The following ZFPM1 variants were observed in gnomAD, a reference collection of about 807,000 sequenced individuals.
ZFPM1 encodes the protein zinc finger protein, FOG family member 1, also known as zinc finger protein ZFPM1.
A neutral mutation model predicts 46.3 loss-of-function variants in ZFPM1; 28 were observed. That is an observed-to-expected ratio of 0.60 (90% CI 0.45 to 0.83). The LOEUF (loss-of-function observed/expected upper bound fraction) is 0.83, where lower values mean the gene tolerates loss of function less well. Ranked by LOEUF, ZFPM1 falls within the 40% of genes least tolerant of loss-of-function variation. ZFPM1 has a pLI of 0.00. For synonymous variants in ZFPM1, 957 were observed against 675.9 expected (o/e 1.42, Z -6.45); for missense variants, 1,878 against 1,432.4 (o/e 1.31, Z -5.02).
chr16:88,486,357 C>A (rs1400975066), intron 2 of ZFPM1, among the ~76,000 whole-genome samples: 1 of 152,242 alleles, frequency 6.6e-6, no homozygotes, highest in African/African-American at 2.4e-5. Context: ...CCCCTCCCAG[C>A]CTCAGTAGAC....
At chr16:88,490,018 C>T (rs1347495471) in intron 3 of ZFPM1, among the ~76,000 whole-genome samples, 1 of 151,186 alleles carries the variant, frequency 6.6e-6, no homozygotes, top group African/African-American at 2.4e-5. Context: ...GGCAGGTGCT[C>T]GAGCCAGATG....
chr16:88,468,142 T>A (rs1178214025), intron 1 of ZFPM1, among the ~76,000 whole-genome samples: 1 of 63,370 alleles, frequency 1.6e-5, no homozygotes, highest in Non-Finnish European at 2.9e-5. Context: ...GCGAGCCCAC[T>A]GCCCCTGACC....
chr16:88,462,241 G>A (rs747437384), intron 1 of ZFPM1, among the ~76,000 whole-genome samples: 3 of 152,214 alleles, frequency 2.0e-5, no homozygotes, highest in Non-Finnish European at 4.4e-5. Context: ...AATGGGTGTT[G>A]GGGGCTGGTG....
chr16:88,456,836 A>C (rs1238792708), intron 1 of ZFPM1, among the ~76,000 whole-genome samples: 1 of 152,078 alleles, frequency 6.6e-6, no homozygotes, highest in Non-Finnish European at 1.5e-5. Context: ...GGAGATATTG[A>C]GGGTCCACCG....
intron 1 of ZFPM1, among the ~76,000 whole-genome samples, chr16:88,476,961 CAG>C (rs779453792): frequency 3.9e-5 from 6 of 152,268 alleles, no homozygotes; most frequent in Non-Finnish European, 8.8e-5. Context: ...GCTAGACACA[CAG>C]TGTGATAGCG....
intron 1 of ZFPM1, among the ~76,000 whole-genome samples, chr16:88,473,756 G>C (rs916825356): frequency 6.6e-6 from 1 of 152,112 alleles, no homozygotes; most frequent in Non-Finnish European, 1.5e-5. Flanking sequence ...GGCCTCCGGC[G>C]GGCTTGCAGC....
Position 88,533,832 on chromosome 16 carries a change from C to T in ZFPM1, c.1874C>T (p.Pro625Leu), listed in dbSNP as rs997699310. ...PKAPPGPARA[P>L]PGQPAEPDAP... ...GCGCCCCCCGGCCCGGCCCGCGCGC[C>T]CCCCGGCCAGCCCGCCGAACCCGAC... The change falls in exon 10 of 10, where the codon CCC (proline) becomes CTC (leucine). Residue 625 changes from proline to leucine, a missense_variant. Coordinates refer to ENST00000319555, the MANE Select transcript of ZFPM1 (RefSeq NM_153813.3). 632 of 995,392 alleles carry T rather than the reference C, an allele frequency of 6.3e-4. No individual in the cohort carries two copies. The highest frequency in any genetic ancestry group is 8.8e-4 in the Admixed American group (14 of 15,948). 61.7% of individuals were successfully genotyped at this position (995,392 alleles called of 1,614,324 possible). A position where few individuals can be genotyped will look rare whatever the true frequency, so the allele number is the denominator to read the frequency against.
intron 1 of ZFPM1, among the ~76,000 whole-genome samples, chr16:88,463,563 C>A (rs1907995777): frequency 6.6e-6 from 1 of 152,266 alleles, no homozygotes; most frequent in Non-Finnish European, 1.5e-5. Flanking sequence ...CGTCCTTCTC[C>A]CGGCAGCCTT....
chr16:88,479,567 G>A (rs1240257030), intron 1 of ZFPM1, among the ~76,000 whole-genome samples: 1 of 152,132 alleles, frequency 6.6e-6, no homozygotes, highest in Admixed American at 6.5e-5. Flanking sequence ...CCCCACCGTG[G>A]CCCAAGCTGC....
At chr16:88,454,892 C>A in intron 1 of ZFPM1, among the ~76,000 whole-genome samples, 1 of 152,188 alleles carries the variant, frequency 6.6e-6, no homozygotes, top group South Asian at 2.1e-4. Context: ...CCACTGCCAC[C>A]AGGACCCCTT....
At chr16:88,491,939 TG>T (rs1909603992) in intron 3 of ZFPM1, among the ~76,000 whole-genome samples, 1 of 152,122 alleles carries the variant, frequency 6.6e-6, no homozygotes, top group African/African-American at 2.4e-5. Flanking sequence ...GCAGGGTCAG[TG>T]GCCCCAAGGG....
intron 1 of ZFPM1, among the ~76,000 whole-genome samples, chr16:88,479,313 G>A (rs575263256): frequency 1.3e-5 from 2 of 152,178 alleles, no homozygotes; most frequent in East Asian, 1.9e-4. Flanking sequence ...CGAGATTCAC[G>A]GGATGAGAGA....
chr16:88,485,575 G>A (rs2142372183), intron 1 of ZFPM1, among the ~76,000 whole-genome samples: 1 of 152,112 alleles, frequency 6.6e-6, no homozygotes, highest in African/African-American at 2.4e-5. Flanking sequence ...TAGTAGCTGG[G>A]ACTACAGGTG....
chr16:88,462,872 G>T (rs934447218), intron 1 of ZFPM1, among the ~76,000 whole-genome samples: 1 of 152,166 alleles, frequency 6.6e-6, no homozygotes, highest in Non-Finnish European at 1.5e-5. Context: ...CACCTCACGG[G>T]GCTGTGAGGA....
chr16:88,533,920 C>A lies in ZFPM1; in HGVS notation c.1962C>A (p.Pro654=), dbSNP rs1311023970. The part of the protein sequence containing the change: ...REEGAGGAAT[P]EDGAGGRGSE... Reference sequence around the variant, plus strand: ...AGGGGGCTGGGGGCGCGGCCACGCCCGAGGACGGCGCGGGCGGCCGGGGCA... The same window carrying A: ...AGGGGGCTGGGGGCGCGGCCACGCCAGAGGACGGCGCGGGCGGCCGGGGCA... The change falls in exon 10 of 10, where the codon CCC becomes CCA. Residue 654 remains proline (P), a synonymous_variant. Transcript: ENST00000319555. The A allele has an allele frequency of 5.0e-6, 6 of 1,206,280 alleles. No homozygotes were observed. The highest frequency in any genetic ancestry group is 6.3e-6 in the Non-Finnish European group (6 of 953,768). The allele number at this position is 1,206,280 out of a possible 1,614,324, so 74.7% of individuals were successfully genotyped here.
intron 4 of ZFPM1, among the ~76,000 whole-genome samples, chr16:88,514,890 G>A (rs143100438): frequency 4.4e-4 from 67 of 152,292 alleles, no homozygotes; most frequent in African/African-American, 1.3e-3. Context: ...AGCAGAGAGC[G>A]AGAGGGTAGT....
intron 3 of ZFPM1, among the ~76,000 whole-genome samples, chr16:88,496,424 A>G (rs1391969382): frequency 6.6e-6 from 1 of 152,030 alleles, no homozygotes; most frequent in Admixed American, 6.5e-5. Context: ...TGGCCTGTGC[A>G]GTTCCCGGGC....
intron 1 of ZFPM1, among the ~76,000 whole-genome samples, chr16:88,478,353 G>A (rs1046138736): frequency 2.0e-5 from 3 of 152,240 alleles, no homozygotes; most frequent in African/African-American, 2.4e-5. Flanking sequence ...GAGGAGCTGC[G>A]GGTGGGCCAG....
At chr16:88,513,730 G>A (rs976089782) in intron 3 of ZFPM1, among the ~76,000 whole-genome samples, 1 of 152,182 alleles carries the variant, frequency 6.6e-6, no homozygotes, top group African/African-American at 2.4e-5. Flanking sequence ...ACAGCCCGGA[G>A]GCTCCAAGTC....
Sources: gnomAD v4.1 joint callset for allele counts (sites outside exome capture counted in the v4.1 genomes callset) on GRCh38, gnomAD v4.1.1 for gene constraint, MANE v1.5 for transcripts, NCBI Gene and HGNC (gene_info 2026-07-23, HGNC 2026-07-21) for gene names.